Variants in FOXN2 observed in about 807,000 individuals in gnomAD.
FOXN2 encodes forkhead box N2.
Under a neutral mutation model 41.2 loss-of-function variants are expected in FOXN2, and 19 were observed. That is an observed-to-expected ratio of 0.46 (90% CI 0.32 to 0.68). The LOEUF is 0.68. FOXN2 is among the 30% of genes least tolerant of loss of function. FOXN2 has a pLI of 0.03. For missense variants in FOXN2, 587 were observed against 509.4 expected, an observed-to-expected ratio of 1.15 and a Z score of -1.47; for synonymous variants, 195 against 176.8, an observed-to-expected ratio of 1.10 and a Z score of -0.82.
intron 1 of FOXN2, among the ~76,000 whole-genome samples, chr2:48,317,973 A>G (rs1669045268): frequency 6.6e-6 from 1 of 152,132 alleles, no homozygotes; most frequent in Admixed American, 6.6e-5. Flanking sequence ...CCTGCCACTA[A>G]TATAAAGGGA....
At chr2:48,325,613 A>C (rs1669609423) in intron 1 of FOXN2, among the ~76,000 whole-genome samples, 1 of 152,210 alleles carries the variant, frequency 6.6e-6, no homozygotes, top group African/African-American at 2.4e-5. Context: ...AGATGGAAAA[A>C]TTATGTACTA....
chr2:48,323,163 TG>T (rs1363932565), intron 1 of FOXN2, among the ~76,000 whole-genome samples: 1 of 152,062 alleles, frequency 6.6e-6, no homozygotes, highest in African/African-American at 2.4e-5. Context: ...TTAAATATTC[TG>T]TTTTTTTTTT....
At chr2:48,328,954 GT>G (rs1057323906) in intron 2 of FOXN2, among the ~76,000 whole-genome samples, 73 of 151,186 alleles carry the variant, frequency 4.8e-4, no homozygotes, top group African/African-American at 1.5e-3. Context: ...TTAGTCACCA[GT>G]TTTTTTTTAA....
chr2:48,315,747 C>CT (rs1558604632), intron 1 of FOXN2, among the ~76,000 whole-genome samples: 1 of 152,210 alleles, frequency 6.6e-6, no homozygotes, highest in East Asian at 1.9e-4. Flanking sequence ...CAAAATGCCT[C>CT]TTTTTCCACT....
At chr2:48,373,081 G>A (rs1023286281) in intron 5 of FOXN2, among the ~76,000 whole-genome samples, 1 of 152,014 alleles carries the variant, frequency 6.6e-6, no homozygotes, top group African/African-American at 2.4e-5. Context: ...CTTTTACACT[G>A]TATTGTTCAC....
upstream of FOXN2, among the ~76,000 whole-genome samples, chr2:48,314,379 G>T (rs1344597944): frequency 6.6e-6 from 1 of 152,188 alleles, no homozygotes; most frequent in Non-Finnish European, 1.5e-5. Context: ...CCCTAAACCC[G>T]CACCGGCCTA....
intron 2 of FOXN2, among the ~76,000 whole-genome samples, chr2:48,336,280 C>T (rs948688582): frequency 1.3e-5 from 2 of 151,220 alleles, no homozygotes; most frequent in Admixed American, 6.6e-5. Context: ...TGGTGGTGCA[C>T]GCCTGTAGTC....
chr2:48,336,256 A>T (rs959287905), intron 2 of FOXN2, among the ~76,000 whole-genome samples: 1 of 151,414 alleles, frequency 6.6e-6, no homozygotes, highest in Non-Finnish European at 1.5e-5. Context: ...ATATTTTTTT[A>T]AAAAAGCCGG....
chr2:48,370,660 GT>G (rs545585077), intron 5 of FOXN2, among the ~76,000 whole-genome samples: 84 of 152,032 alleles, frequency 5.5e-4, no homozygotes, highest in African/African-American at 2.0e-3. Context: ...TGGTTTGTTT[GT>G]TTTCCTGTTG....
At position 48,341,214 on chromosome 2, in the gene FOXN2, A is replaced by T. The variant is rs1280820387; in HGVS notation, c.-14-4987A>T. Among the ~76,000 whole-genome samples the T allele has an allele frequency of 3.3e-5, 5 of 152,144 alleles. No homozygotes were observed. The East Asian group carries it at 9.6e-4, about 29-fold the overall frequency. Reference sequence around the variant, plus strand: ...TTTATGCATTTGGCTTTATGAAGCAAACTGACCATGCATATTATTAATGCT... The same window carrying T: ...TTTATGCATTTGGCTTTATGAAGCATACTGACCATGCATATTATTAATGCT... On this transcript the variant is annotated intron_variant, in intron 2 of 6. Coordinates refer to ENST00000340553, the MANE Select transcript of FOXN2 (RefSeq NM_002158.4).
intron 3 of FOXN2, among the ~76,000 whole-genome samples, chr2:48,347,780 T>C (rs900147279): frequency 1.3e-5 from 2 of 152,182 alleles, no homozygotes; most frequent in Non-Finnish European, 1.5e-5. Flanking sequence ...AAATTTCTCA[T>C]TATTCAGTTT....
chr2:48,347,471 C>T (rs529436282), intron 3 of FOXN2, among the ~76,000 whole-genome samples: 147 of 152,064 alleles, frequency 9.7e-4, no homozygotes, highest in African/African-American at 3.4e-3. Context: ...TCAAGTACCA[C>T]CCACCTTGAC....
chr2:48,378,547 G>A lies in FOXN2; in HGVS notation c.*3104G>A, dbSNP rs1673384416. The A allele has an allele frequency of 6.6e-6, 1 of 152,204 alleles. No individual in the cohort carries two copies. The highest frequency in any genetic ancestry group is 1.5e-5 in the Non-Finnish European group (1 of 67,916). The allele number at this position is 152,204 out of a possible 1,614,324, so 9.4% of individuals were successfully genotyped here. ...GCCTTTGCCAGCAATTTAAGCAACAGATGTGAATACTTCACAAAGCTGTAA... is the reference window on the plus strand; with the variant it reads ...GCCTTTGCCAGCAATTTAAGCAACAAATGTGAATACTTCACAAAGCTGTAA... On this transcript the variant is annotated 3_prime_UTR_variant, in exon 7 of 7. Transcript: ENST00000340553.
chr2:48,347,308 C>T (rs1414418933), intron 3 of FOXN2, among the ~76,000 whole-genome samples: 2 of 145,958 alleles, frequency 1.4e-5, no homozygotes, highest in Non-Finnish European at 3.0e-5. Context: ...CTCACTGCAA[C>T]CTCCGTCTCC....
intron 4 of FOXN2, among the ~76,000 whole-genome samples, chr2:48,360,885 A>G (rs1398363161): frequency 4.6e-5 from 7 of 150,858 alleles, no homozygotes; most frequent in African/African-American, 1.7e-4. Context: ...TGGGTAGTGC[A>G]CGCCTGTGGT....
At chr2:48,334,669 G>A (rs1457654961) in intron 2 of FOXN2, among the ~76,000 whole-genome samples, 1 of 152,160 alleles carries the variant, frequency 6.6e-6, no homozygotes, top group Non-Finnish European at 1.5e-5. Context: ...GAGGATATTT[G>A]CCAAATCAGG....
chr2:48,373,203 A>G, intron 5 of FOXN2, 89 bp from the exon 6 acceptor site: 1 of 865,858 alleles, frequency 1.2e-6, no homozygotes, highest in Non-Finnish European at 1.9e-6. Flanking sequence ...CCAAAATTGT[A>G]ACGCTGGTTA....
chr2:48,318,552 C>G (rs564761222), intron 1 of FOXN2, among the ~76,000 whole-genome samples: 5 of 152,264 alleles, frequency 3.3e-5, no homozygotes, highest in Admixed American at 2.6e-4. Context: ...CGCCCACTTT[C>G]CTGCCTCCTT....
chr2:48,377,133 A>C lies in FOXN2; in HGVS notation c.*1690A>C, dbSNP rs1249381920. 6.6e-6 allele frequency: 1 copy of C among 151,976 alleles called. No homozygotes were observed. The highest frequency in any genetic ancestry group is 1.5e-5 in the Non-Finnish European group (1 of 67,858). 9.4% of individuals were successfully genotyped at this position (151,976 alleles called of 1,614,324 possible). A position where few individuals can be genotyped will look rare whatever the true frequency, so the allele number is the denominator to read the frequency against. On this transcript the variant is annotated 3_prime_UTR_variant, in exon 7 of 7. Transcript: ENST00000340553. ...AATTTAATTTAACCTGGATAGCCAC[A>C]TTAATGAATTGGTGCTGTCAAAATA...
Sources: allele counts gnomAD v4.1 joint callset (sites outside exome capture counted in the v4.1 genomes callset), GRCh38; gene constraint gnomAD v4.1.1; transcripts MANE v1.5; gene names NCBI Gene and HGNC (gene_info 2026-07-23, HGNC 2026-07-21).